The following SOX6 variants were observed in gnomAD, a reference collection of about 807,000 sequenced individuals.
SOX6 encodes SRY-box transcription factor 6.
In SOX6, 11 loss-of-function variants were observed where a neutral mutation model predicts 97.8. The observed-to-expected ratio is 0.11, with a 90% CI of 0.07 to 0.19. The LOEUF (loss-of-function observed/expected upper bound fraction) is 0.19, where lower values mean the gene tolerates loss of function less well. Among genes scored for constraint, SOX6 ranks in the 10% least tolerant of loss-of-function variants. The pLI, the probability that SOX6 is intolerant of heterozygous loss-of-function variation, is 1.00. For synonymous variants in SOX6, 360 were observed against 371.4 expected (o/e 0.97, Z 0.35); for missense variants, 810 against 1,039.5 (o/e 0.78, Z 3.04).
chr11:16,026,978 G>A (rs1855232086), intron 12 of SOX6, among the ~76,000 whole-genome samples: 1 of 152,132 alleles, frequency 6.6e-6, no homozygotes, highest in African/African-American at 2.4e-5. Flanking sequence ...TGTGTTAATT[G>A]TATGGTTTTC....
At chr11:16,266,270 A>G (rs1310882811) in intron 3 of SOX6, among the ~76,000 whole-genome samples, 1 of 151,752 alleles carries the variant, frequency 6.6e-6, no homozygotes, top group Non-Finnish European at 1.5e-5. Context: ...ACAATTGTGC[A>G]ACATTTTTAA....
intron 12 of SOX6, among the ~76,000 whole-genome samples, chr11:16,021,049 A>G (rs1382489580): frequency 6.6e-6 from 1 of 152,186 alleles, no homozygotes. Context: ...ATTTTAGAAG[A>G]GCACAATAGA....
intron 9 of SOX6, among the ~76,000 whole-genome samples, chr11:16,094,309 G>A (rs1435310958): frequency 3.3e-5 from 5 of 151,550 alleles, no homozygotes; most frequent in Admixed American, 1.3e-4. Flanking sequence ...ATGGTGTGGG[G>A]GTTGGGAGTG....
intron 4 of SOX6, among the ~76,000 whole-genome samples, chr11:16,489,359 T>G (rs564505338): frequency 6.6e-5 from 10 of 152,264 alleles, no homozygotes; most frequent in African/African-American, 2.4e-4. Flanking sequence ...GAGTTCTATA[T>G]CCTACATCCA....
chr11:16,520,954 C>G (rs1168948835), intron 4 of SOX6, among the ~76,000 whole-genome samples: 1 of 152,214 alleles, frequency 6.6e-6, no homozygotes, highest in African/African-American at 2.4e-5. Context: ...CCCAGGCTTG[C>G]TTAGGTAAAC....
At chr11:15,994,813 G>C (rs540710463) in intron 13 of SOX6, among the ~76,000 whole-genome samples, 43 of 152,134 alleles carry the variant, frequency 2.8e-4, no homozygotes, top group African/African-American at 8.4e-4. Flanking sequence ...TATCAGCCCT[G>C]TCCTCCAATA....
At chr11:16,539,909 A>G (rs1374818579) in intron 4 of SOX6, among the ~76,000 whole-genome samples, 1 of 152,198 alleles carries the variant, frequency 6.6e-6, no homozygotes, top group Non-Finnish European at 1.5e-5. Flanking sequence ...AGCTGGTACC[A>G]TTCCTTCTGA....
At chr11:16,097,388 T>C (rs550856776) in intron 8 of SOX6, among the ~76,000 whole-genome samples, 1 of 151,926 alleles carries the variant, frequency 6.6e-6, no homozygotes, top group South Asian at 2.1e-4. Flanking sequence ...TGATAGAGAA[T>C]ACATAGTATT....
At chr11:15,973,451 A>T (rs1011046898) in intron 15 of SOX6, among the ~76,000 whole-genome samples, 1 of 152,224 alleles carries the variant, frequency 6.6e-6, no homozygotes, top group African/African-American at 2.4e-5. Flanking sequence ...TACATGTGAA[A>T]TAATTTTTGA....
chr11:16,369,836 G>A (rs1039784603), intron 1 of SOX6, among the ~76,000 whole-genome samples: 5 of 152,228 alleles, frequency 3.3e-5, no homozygotes, highest in Non-Finnish European at 5.9e-5. Context: ...TTCCTGTCAG[G>A]TTCTGCCAAT....
At chr11:16,566,070 T>C (rs1027626613) in intron 4 of SOX6, among the ~76,000 whole-genome samples, 19 of 137,624 alleles carry the variant, frequency 1.4e-4, no homozygotes, top group Non-Finnish European at 2.7e-4. Flanking sequence ...CACTCCAGCC[T>C]AGGTGACAGA....
chr11:16,553,115 T>G (rs1327393257), intron 4 of SOX6, among the ~76,000 whole-genome samples: 1 of 152,198 alleles, frequency 6.6e-6, no homozygotes, highest in Admixed American at 6.5e-5. Flanking sequence ...TTTTCTTTTT[T>G]TATAACTTTC....
intron 2 of SOX6, among the ~76,000 whole-genome samples, chr11:16,332,210 G>C (rs888117575): frequency 1.3e-5 from 2 of 152,096 alleles, no homozygotes; most frequent in African/African-American, 4.8e-5. Flanking sequence ...CTAAACTCAA[G>C]AGTAAAAGCT....
chr11:16,674,811 C>T (rs1371817972), intron 3 of SOX6, among the ~76,000 whole-genome samples: 6 of 152,118 alleles, frequency 3.9e-5, no homozygotes, highest in East Asian at 1.9e-4. Flanking sequence ...ATTAGCCAGG[C>T]GTGGTGGTAC....
intron 4 of SOX6, among the ~76,000 whole-genome samples, chr11:16,522,040 A>C: frequency 6.6e-6 from 1 of 152,232 alleles, no homozygotes; most frequent in East Asian, 1.9e-4. Context: ...AATGGAACCA[A>C]GTTGGAAAAC....
At chr11:16,623,319 C>A (rs1187269069) in intron 3 of SOX6, among the ~76,000 whole-genome samples, 1 of 152,186 alleles carries the variant, frequency 6.6e-6, no homozygotes, top group Non-Finnish European at 1.5e-5. Context: ...CTGTGTCCAG[C>A]TGCTGAGCAT....
chr11:16,206,443 A>G (rs1033227214), intron 4 of SOX6, among the ~76,000 whole-genome samples: 5 of 152,318 alleles, frequency 3.3e-5, no homozygotes, highest in Admixed American at 6.5e-5. Flanking sequence ...TGTAATAATA[A>G]TCAGACTGAG....
intron 3 of SOX6, among the ~76,000 whole-genome samples, chr11:16,656,318 C>T (rs1199175669): frequency 6.6e-6 from 1 of 152,068 alleles, no homozygotes; most frequent in Non-Finnish European, 1.5e-5. Flanking sequence ...CCTCATGATC[C>T]GCCCACCTCG....
At chr11:16,035,011 A>G (rs955787698) in intron 12 of SOX6, among the ~76,000 whole-genome samples, 3 of 152,220 alleles carry the variant, frequency 2.0e-5, no homozygotes, top group African/African-American at 7.2e-5. Flanking sequence ...TACACACACA[A>G]GGAACAGACT....
Sources: allele counts gnomAD v4.1 joint callset (sites outside exome capture counted in the v4.1 genomes callset), GRCh38; gene constraint gnomAD v4.1.1; transcripts MANE v1.5; gene names NCBI Gene and HGNC (gene_info 2026-07-23, HGNC 2026-07-21).